Variants in PDZD2 observed in about 807,000 individuals in gnomAD.
PDZD2 encodes PDZ domain containing 2.
In PDZD2, 90 loss-of-function variants were observed where a neutral mutation model predicts 220.7. That is an observed-to-expected ratio of 0.41 (90% CI 0.34 to 0.49). The LOEUF is 0.49. Ranked by LOEUF, PDZD2 falls within the 20% of genes least tolerant of loss-of-function variation. PDZD2 has a pLI of 0.28. For synonymous variants in PDZD2, 1,375 were observed against 1,450.5 expected (o/e 0.95, Z 1.18); for missense variants, 3,174 against 3,608.5 (o/e 0.88, Z 3.08).
Position 32,047,410 on chromosome 5 carries a change from G to A in PDZD2, c.1520-1129G>A, listed in dbSNP as rs912737914. Reference sequence around the variant, plus strand: ...ACTCCACTCCTAGGTGATATCTAATGACATGTGAGAGAATATTTAGTAATG... The same window carrying A: ...ACTCCACTCCTAGGTGATATCTAATAACATGTGAGAGAATATTTAGTAATG... On this transcript the variant is annotated intron_variant, in intron 7 of 24. Coordinates refer to ENST00000438447, the MANE Select transcript of PDZD2 (RefSeq NM_178140.4). Among the ~76,000 whole-genome samples the A allele has an allele frequency of 5.3e-5, 8 of 152,174 alleles. No homozygotes were observed. In the East Asian group the frequency reaches 1.3e-3, roughly 26 times the overall value.
intron 1 of PDZD2, among the ~76,000 whole-genome samples, chr5:31,694,553 C>T (rs1207266851): frequency 6.6e-6 from 1 of 152,112 alleles, no homozygotes; most frequent in Non-Finnish European, 1.5e-5. Flanking sequence ...TGAATCCACA[C>T]TACCTGGTGT....
intron 2 of PDZD2, among the ~76,000 whole-genome samples, chr5:31,812,659 G>A (rs1005500586): frequency 1.3e-5 from 2 of 152,198 alleles, no homozygotes; most frequent in Non-Finnish European, 2.9e-5. Flanking sequence ...AGGCTCACCT[G>A]ATGAAGTGGG....
At chr5:32,040,929 GGCT>G (rs1756065403) in intron 7 of PDZD2, among the ~76,000 whole-genome samples, 1 of 135,758 alleles carries the variant, frequency 7.4e-6, no homozygotes, top group Non-Finnish European at 1.6e-5. Context: ...ACCTCTGCCC[GGCT>G]GCCACCCCAT....
intron 23 of PDZD2, chr5:32,100,641 C>T (rs78886522): frequency 0.01 from 3,664 of 359,434 alleles, 114 homozygotes; most frequent in African/African-American, 0.073. Flanking sequence ...CTAACAGTCT[C>T]ACATGAGACT....
intron 2 of PDZD2, among the ~76,000 whole-genome samples, chr5:31,868,821 G>T (rs1398707650): frequency 6.6e-6 from 1 of 152,102 alleles, no homozygotes; most frequent in East Asian, 1.9e-4. Context: ...ACCCAGGCTG[G>T]AGTGCAGTGG....
At chr5:32,065,458 C>T (rs1383486040) in intron 14 of PDZD2, among the ~76,000 whole-genome samples, 1 of 152,154 alleles carries the variant, frequency 6.6e-6, no homozygotes, top group Non-Finnish European at 1.5e-5. Flanking sequence ...TGCCAAGAGA[C>T]CTTGTGGGTC....
chr5:31,675,209 T>A (rs1746360687), intron 1 of PDZD2, among the ~76,000 whole-genome samples: 1 of 152,240 alleles, frequency 6.6e-6, no homozygotes, highest in South Asian at 2.1e-4. Context: ...CTGGGCACTT[T>A]TGCTCTCATT....
At chr5:32,077,385 C>G in intron 18 of PDZD2, 77 bp from the exon 19 acceptor site, 1 of 1,487,006 alleles carries the variant, frequency 6.7e-7, no homozygotes, top group Non-Finnish European at 9.3e-7. Context: ...TAGCTCTGCT[C>G]TCTATATATG....
At chr5:31,981,567 G>A (rs1750301476) in intron 2 of PDZD2, among the ~76,000 whole-genome samples, 1 of 152,210 alleles carries the variant, frequency 6.6e-6, no homozygotes, top group Non-Finnish European at 1.5e-5. Flanking sequence ...CAGAAGGCAT[G>A]TTAATGTCTG....
chr5:31,877,318 C>T (rs1030290479), intron 2 of PDZD2, among the ~76,000 whole-genome samples: 2 of 152,016 alleles, frequency 1.3e-5, no homozygotes, highest in Non-Finnish European at 2.9e-5. Context: ...CGGGCTCAAG[C>T]GATTCTCCCA....
chr5:31,758,530 G>A (rs1261034860), intron 1 of PDZD2, among the ~76,000 whole-genome samples: 2 of 152,210 alleles, frequency 1.3e-5, no homozygotes, highest in Admixed American at 6.5e-5. Context: ...GGGGAGGAGG[G>A]ACATGACTGG....
At chr5:31,686,767 A>G (rs1333227610) in intron 1 of PDZD2, among the ~76,000 whole-genome samples, 1 of 152,248 alleles carries the variant, frequency 6.6e-6, no homozygotes, top group Non-Finnish European at 1.5e-5. Context: ...AAATAGGGAT[A>G]TGGTTTTCCA....
chr5:31,880,504 T>C (rs751850114), intron 2 of PDZD2, among the ~76,000 whole-genome samples: 1 of 152,226 alleles, frequency 6.6e-6, no homozygotes, highest in Non-Finnish European at 1.5e-5. Flanking sequence ...TTTCTCTTTC[T>C]TGCTTTTCCA....
intron 2 of PDZD2, among the ~76,000 whole-genome samples, chr5:31,802,777 G>A (rs1480436134): frequency 1.3e-5 from 2 of 151,950 alleles, no homozygotes; most frequent in South Asian, 4.2e-4. Context: ...AAAATTAGCC[G>A]GGCGTGGTGG....
intron 1 of PDZD2, among the ~76,000 whole-genome samples, chr5:31,780,270 A>T (rs1165901234): frequency 1.3e-5 from 2 of 151,404 alleles, no homozygotes; most frequent in Non-Finnish European, 2.9e-5. Flanking sequence ...TCGGCACAGG[A>T]ATCTATCCAT....
intron 5 of PDZD2, among the ~76,000 whole-genome samples, chr5:32,007,379 G>A (rs1486457592): frequency 6.7e-6 from 1 of 148,300 alleles, no homozygotes; most frequent in Non-Finnish European, 1.5e-5. Flanking sequence ...CTTCACAGTT[G>A]GGATTTAAAA....
At position 32,091,110 on chromosome 5, in the gene PDZD2, C is replaced by A; in HGVS notation, c.7662C>A (p.Pro2554=). ...CTAAAACCAGTGCTGCTGAGACACC[C>A]AGTTCAGCCAGTGATACGGGTGAAG... The part of the protein sequence containing the change: ...SGPKTSAAET[P]SSASDTGEAA... Residue 2554 remains proline (P), a synonymous_variant, in exon 20 of 25, where the codon CCC becomes CCA. Coordinates refer to ENST00000438447, the MANE Select transcript of PDZD2 (RefSeq NM_178140.4). The A allele has an allele frequency of 6.3e-7, 1 of 1,599,770 alleles. No individual in the cohort carries two copies.
At chr5:31,816,814 T>G (rs961048208) in intron 2 of PDZD2, among the ~76,000 whole-genome samples, 1 of 152,166 alleles carries the variant, frequency 6.6e-6, no homozygotes, top group Admixed American at 6.5e-5. Flanking sequence ...TAAATCATAA[T>G]CAATGCCACT....
intron 2 of PDZD2, among the ~76,000 whole-genome samples, chr5:31,864,742 C>T (rs1285088443): frequency 6.6e-6 from 1 of 150,712 alleles, no homozygotes; most frequent in Non-Finnish European, 1.5e-5. Flanking sequence ...GTCTCAAACT[C>T]CTGACCTCAG....
Sources: gnomAD v4.1 joint callset for allele counts (sites outside exome capture counted in the v4.1 genomes callset) on GRCh38, gnomAD v4.1.1 for gene constraint, MANE v1.5 for transcripts, NCBI Gene and HGNC (gene_info 2026-07-23, HGNC 2026-07-21) for gene names.